Variants in SCFD2 observed in about 807,000 individuals in gnomAD.
SCFD2 encodes the protein sec1 family domain containing 2.
SCFD2 carries 54 observed loss-of-function variants against 58.9 expected under a neutral mutation model. The observed-to-expected ratio is 0.92, with a 90% CI of 0.74 to 1.15. The LOEUF (loss-of-function observed/expected upper bound fraction) is 1.15, where lower values mean the gene tolerates loss of function less well. SCFD2 is among the 50% of genes most tolerant of loss of function. The pLI, the probability that SCFD2 is intolerant of heterozygous loss-of-function variation, is 0.00. For synonymous variants in SCFD2, 321 were observed against 335.9 expected, an observed-to-expected ratio of 0.96 and a Z score of 0.49; for missense variants, 805 against 836.6, an observed-to-expected ratio of 0.96 and a Z score of 0.47.
chr4:52,992,107 A>G (rs4864707), intron 5 of SCFD2, among the ~76,000 whole-genome samples: 129,080 of 151,982 alleles, frequency 0.85, 55,071 homozygotes, highest in Middle Eastern at 0.95. Context: ...CCACCATCTC[A>G]GCTCACTGCA....
chr4:52,958,788 G>A (rs767150507), intron 5 of SCFD2, among the ~76,000 whole-genome samples: 2 of 152,018 alleles, frequency 1.3e-5, no homozygotes, highest in South Asian at 2.1e-4. Context: ...CATCTCAAAT[G>A]GCTCTTACAC....
intron 8 of SCFD2, 77 bp downstream of exon 8, chr4:52,885,670 C>A: frequency 6.4e-7 from 1 of 1,557,490 alleles, no homozygotes. Context: ...GCACTGGGAC[C>A]CATAGGTGGA....
intron 5 of SCFD2, among the ~76,000 whole-genome samples, chr4:52,952,900 A>G (rs1720634038): frequency 6.6e-6 from 1 of 152,232 alleles, no homozygotes; most frequent in African/African-American, 2.4e-5. Context: ...ACCAAACAGA[A>G]GGGAACCAGT....
At chr4:53,328,881 G>T in intron 2 of SCFD2, among the ~76,000 whole-genome samples, 1 of 152,228 alleles carries the variant, frequency 6.6e-6, no homozygotes, top group Non-Finnish European at 1.5e-5. Context: ...CAGGTCAGTG[G>T]GTGCGCGCAC....
chr4:53,115,070 A>G (rs1201988178), intron 5 of SCFD2, among the ~76,000 whole-genome samples: 1 of 152,144 alleles, frequency 6.6e-6, no homozygotes, highest in Admixed American at 6.6e-5. Flanking sequence ...GGGAAAACAG[A>G]AGAATGAAAA....
At chr4:53,019,053 T>A (rs1436004975) in intron 5 of SCFD2, among the ~76,000 whole-genome samples, 3 of 152,158 alleles carry the variant, frequency 2.0e-5, no homozygotes, top group Admixed American at 1.3e-4. Context: ...TGCAGCAAAT[T>A]TCCCAGGGTG....
At chr4:52,882,821 C>T (rs1347728934) in intron 8 of SCFD2, among the ~76,000 whole-genome samples, 1 of 152,138 alleles carries the variant, frequency 6.6e-6, no homozygotes. Context: ...CTACATTTAT[C>T]CTATTAGTTT....
At chr4:53,338,986 T>C (rs1167324571) in intron 2 of SCFD2, among the ~76,000 whole-genome samples, 1 of 151,976 alleles carries the variant, frequency 6.6e-6, no homozygotes, top group African/African-American at 2.4e-5. Flanking sequence ...AACTAAAAGA[T>C]TTTGTTGCAG....
At chr4:53,038,423 G>C (rs1722816195) in intron 5 of SCFD2, among the ~76,000 whole-genome samples, 1 of 152,152 alleles carries the variant, frequency 6.6e-6, no homozygotes, top group Non-Finnish European at 1.5e-5. Flanking sequence ...CAACTCTTCA[G>C]ATTGATAATT....
intron 5 of SCFD2, among the ~76,000 whole-genome samples, chr4:53,114,410 G>T (rs1725262776): frequency 6.6e-6 from 1 of 152,054 alleles, no homozygotes; most frequent in Non-Finnish European, 1.5e-5. Flanking sequence ...CAGAGCACAT[G>T]ACCCCAGAAT....
intron 2 of SCFD2, among the ~76,000 whole-genome samples, chr4:53,328,582 A>C (rs1733296648): frequency 1.3e-5 from 2 of 152,220 alleles, no homozygotes; most frequent in African/African-American, 4.8e-5. Flanking sequence ...TATACACATA[A>C]AAAATACATA....
intron 4 of SCFD2, among the ~76,000 whole-genome samples, chr4:53,272,870 C>A (rs530883890): frequency 8.0e-4 from 121 of 151,896 alleles, no homozygotes; most frequent in African/African-American, 2.8e-3. Flanking sequence ...AAAAATAGAA[C>A]CTTGAGAGAA....
rs1385148673 is a variant in SCFD2 at position 52,975,266 on chromosome 4, A to T, written c.1562-54396T>A. 2.0e-5 allele frequency among the ~76,000 whole-genome samples: 3 copies of T among 152,164 alleles called. No individual in the cohort carries two copies. In the East Asian group the frequency reaches 5.8e-4, roughly 29 times the overall value. On this transcript the variant is annotated intron_variant, in intron 5 of 8. Coordinates refer to ENST00000401642, the MANE Select transcript of SCFD2 (RefSeq NM_152540.4). ...GAATGGGAGAAAATTTTTGCAACCT[A>T]CTCATCTGACCATGGGCTAATATCC... is the stretch of plus-strand genomic sequence containing the variant.
At chr4:53,154,646 A>G (rs182223855) in intron 4 of SCFD2, among the ~76,000 whole-genome samples, 312 of 152,360 alleles carry the variant, frequency 2.0e-3, no homozygotes, top group Non-Finnish European at 3.8e-3. Flanking sequence ...AGCCTGACAG[A>G]GTGCTCAAAG....
At chr4:52,939,642 T>C (rs1226707140) in intron 5 of SCFD2, among the ~76,000 whole-genome samples, 1 of 151,742 alleles carries the variant, frequency 6.6e-6, no homozygotes, top group Non-Finnish European at 1.5e-5. Flanking sequence ...AGTAAAGTGG[T>C]AATTTCATTA....
chr4:53,263,949 C>T (rs1401651316), intron 4 of SCFD2, among the ~76,000 whole-genome samples: 1 of 152,142 alleles, frequency 6.6e-6, no homozygotes, highest in Non-Finnish European at 1.5e-5. Flanking sequence ...AGCTCAGACT[C>T]TCCTTGGGCG....
At chr4:52,977,425 C>T (rs1472500272) in intron 5 of SCFD2, among the ~76,000 whole-genome samples, 1 of 152,094 alleles carries the variant, frequency 6.6e-6, no homozygotes, top group Non-Finnish European at 1.5e-5. Flanking sequence ...CAGTCATACT[C>T]CTTTCCTGTA....
intron 3 of SCFD2, among the ~76,000 whole-genome samples, chr4:53,279,745 T>C (rs576189696): frequency 6.4e-4 from 97 of 152,296 alleles, no homozygotes; most frequent in African/African-American, 2.2e-3. Context: ...CAGTTCTGCA[T>C]GACTGAGGAG....
intron 3 of SCFD2, among the ~76,000 whole-genome samples, chr4:53,276,469 AT>A (rs1731331509): frequency 6.6e-6 from 1 of 151,850 alleles, no homozygotes; most frequent in Non-Finnish European, 1.5e-5. Context: ...TTTTTTTTTA[AT>A]TTTTATTTTA....
Sources: gnomAD v4.1 joint callset for allele counts (sites outside exome capture counted in the v4.1 genomes callset) on GRCh38, gnomAD v4.1.1 for gene constraint, MANE v1.5 for transcripts, NCBI Gene and HGNC (gene_info 2026-07-23, HGNC 2026-07-21) for gene names.